Variants in SRRM3 observed in about 807,000 individuals in gnomAD.
The protein encoded by SRRM3 is serine/arginine repetitive matrix 3.
A neutral mutation model predicts 66.2 loss-of-function variants in SRRM3; 27 were observed. The observed-to-expected ratio is 0.41, with a 90% CI of 0.30 to 0.56. SRRM3 has a LOEUF of 0.56. SRRM3 is among the 20% of genes least tolerant of loss of function. SRRM3 has a pLI of 0.32. For missense variants in SRRM3, 918 were observed against 991.9 expected, an observed-to-expected ratio of 0.93 and a Z score of 1.00; for synonymous variants, 391 against 414.9, an observed-to-expected ratio of 0.94 and a Z score of 0.70.
At position 76,236,005 on chromosome 7, in the gene SRRM3, C is replaced by CAAAAAAAAAAAA. The variant is rs1161706465; in HGVS notation, c.233+720_233+731dup. Among the ~76,000 whole-genome samples the CAAAAAAAAAAAA allele has an allele frequency of 9.0e-3, 182 of 20,266 alleles. 20 individuals carry two copies. Among genetic ancestry groups the CAAAAAAAAAAAA allele is most frequent in the Admixed American group, 0.015 (21 of 1,374 alleles). 13.3% of individuals were successfully genotyped at this position (20,266 alleles called of 152,430 possible). ...TGGGCAACAGATCGAGATTCTGTCT[C>CAAAAAAAAAAAA]AAAAAAAAAAAAAAAAAAAAAAAAA... On this transcript the variant is annotated intron_variant, in intron 2 of 14. Transcript: ENST00000611745.
At chr7:76,267,053 G>T (rs1554609816) in intron 10 of SRRM3, among the ~76,000 whole-genome samples, 2 of 152,064 alleles carry the variant, frequency 1.3e-5, no homozygotes, top group Admixed American at 6.6e-5. Flanking sequence ...CTAAGCCTCC[G>T]CCTGAATTGG....
rs1802693756 is a variant in SRRM3 at position 76,286,923 on chromosome 7, G to A, written c.*1080G>A. 1 of 152,732 alleles carries A rather than the reference G, an allele frequency of 6.5e-6. No homozygotes were observed. Among genetic ancestry groups the A allele is most frequent in the Admixed American group, 6.5e-5 (1 of 15,284 alleles). The allele number at this position is 152,732 out of a possible 1,614,324, so 9.5% of individuals were successfully genotyped here. A position where few individuals can be genotyped will look rare whatever the true frequency, so the allele number is the denominator to read the frequency against. ...GGGTCACAGGCATAGGATAACATGT[G>A]CTTTGGACCTGACAAGGGAGTACCT... On this transcript the variant is annotated 3_prime_UTR_variant, in exon 15 of 15. Transcript: ENST00000611745.
At chr7:76,253,560 G>T (rs1554607227) in intron 3 of SRRM3, among the ~76,000 whole-genome samples, 2 of 151,870 alleles carry the variant, frequency 1.3e-5, no homozygotes, top group Non-Finnish European at 2.9e-5. Context: ...GGTGGAGCTT[G>T]CAGTGAACCG....
At chr7:76,222,683 G>T (rs375079331) in intron 1 of SRRM3, among the ~76,000 whole-genome samples, 3 of 151,846 alleles carry the variant, frequency 2.0e-5, no homozygotes, top group East Asian at 3.9e-4. Context: ...GTGCAGTGGC[G>T]TGATCTTGAC....
At chr7:76,272,651 CA>C (rs1324641098) in intron 11 of SRRM3, among the ~76,000 whole-genome samples, 7 of 150,378 alleles carry the variant, frequency 4.7e-5, no homozygotes, top group Middle Eastern at 3.4e-3. Flanking sequence ...GACTCCATCT[CA>C]AAAAAAAACC....
In SRRM3 at chr7:76,282,983, C is replaced by T; in HGVS notation, c.1615C>T (p.Arg539Cys). 1 of 1,416,770 alleles carries T rather than the reference C, an allele frequency of 7.1e-7. No homozygotes were observed. Among genetic ancestry groups the T allele is most frequent in the Non-Finnish European group, 9.2e-7 (1 of 1,090,024 alleles). 87.8% of individuals were successfully genotyped at this position (1,416,770 alleles called of 1,614,324 possible). Residue 539 changes from arginine (R) to cysteine (C), a missense_variant, in exon 14 of 15, where the codon CGC becomes TGC. By Grantham distance (180) the Arg-to-Cys change is radical (BLOSUM62 -3). Transcript: ENST00000611745. Reference sequence around the variant, plus strand: ...CCGCAGGGACAAGGACGGCGAGGGCCGCGCAAGGCACTCTGAGGCCGAGGC... The same window carrying T: ...CCGCAGGGACAAGGACGGCGAGGGCTGCGCAAGGCACTCTGAGGCCGAGGC... ...PLSRDKDGEG[R>C]ARHSEAEATR...
chr7:76,258,206 G>A (rs554005890), intron 3 of SRRM3, among the ~76,000 whole-genome samples: 81 of 152,272 alleles, frequency 5.3e-4, no homozygotes, highest in African/African-American at 1.8e-3. Context: ...GAGCAGGGGG[G>A]GCCCCTGGAG....
intron 14 of SRRM3, among the ~76,000 whole-genome samples, chr7:76,284,178 T>A (rs950560220): frequency 3.3e-5 from 5 of 151,492 alleles, no homozygotes; most frequent in African/African-American, 1.2e-4. Flanking sequence ...GCTTCTTTTT[T>A]TTTTTTTTTT....
At chr7:76,278,411 CG>C (rs568794635) in intron 11 of SRRM3, among the ~76,000 whole-genome samples, 75 of 152,184 alleles carry the variant, frequency 4.9e-4, no homozygotes, top group African/African-American at 1.7e-3. Context: ...CGCTTGAACC[CG>C]GGAAGCAGAG....
chr7:76,221,705 T>C (rs1554603227), intron 1 of SRRM3, among the ~76,000 whole-genome samples: 1 of 152,176 alleles, frequency 6.6e-6, no homozygotes, highest in African/African-American at 2.4e-5. Flanking sequence ...TACTGGTCTG[T>C]GTGGGTTTGT....
Position 76,255,212 on chromosome 7 carries a change from C to G in SRRM3, c.336-4694C>G, listed in dbSNP as rs1264693336. On this transcript the variant is annotated intron_variant, in intron 3 of 14. Coordinates refer to ENST00000611745, the MANE Select transcript of SRRM3 (RefSeq NM_001110199.3). Reference sequence around the variant, plus strand: ...TCACCCAGGCTGGAGTGCAGTGGTGCGATCTTGGCTCACTGCAACCTCCGC... The same window carrying G: ...TCACCCAGGCTGGAGTGCAGTGGTGGGATCTTGGCTCACTGCAACCTCCGC... 2.4e-5 allele frequency among the ~76,000 whole-genome samples: 3 copies of G among 126,144 alleles called. No homozygotes were observed. In the East Asian group the frequency reaches 7.3e-4, roughly 31 times the overall value. 82.8% of individuals were successfully genotyped at this position (126,144 alleles called of 152,430 possible).
At chr7:76,215,026 C>T (rs1563607713) in intron 1 of SRRM3, among the ~76,000 whole-genome samples, 1 of 135,884 alleles carries the variant, frequency 7.4e-6, no homozygotes, top group Non-Finnish European at 1.5e-5. Flanking sequence ...GCTAGGATGA[C>T]GTGCATATAT....
At chr7:76,263,964 T>G (rs1331557021) in intron 8 of SRRM3, among the ~76,000 whole-genome samples, 1 of 145,626 alleles carries the variant, frequency 6.9e-6, no homozygotes, top group African/African-American at 2.6e-5. Flanking sequence ...TGAGCTGGCC[T>G]AGGGCTGGGC....
At chr7:76,270,575 GCTGAGGTGGGCAGATCAC>G (rs1332196124) in intron 11 of SRRM3, among the ~76,000 whole-genome samples, 2 of 152,094 alleles carry the variant, frequency 1.3e-5, no homozygotes, top group Non-Finnish European at 2.9e-5. Flanking sequence ...ACTTCGGGAG[GCTGAGGTGGGCAGATCAC>G]CTGAGGTCAG....
chr7:76,267,515 G>C, intron 11 of SRRM3, 80 bp downstream of exon 11: 1 of 1,048,834 alleles, frequency 9.5e-7, no homozygotes, highest in East Asian at 4.3e-5. Flanking sequence ...CAGCGGGGCA[G>C]GGGGCGATAA....
intron 2 of SRRM3, among the ~76,000 whole-genome samples, chr7:76,247,250 A>T (rs1554606258): frequency 6.6e-6 from 1 of 151,948 alleles, no homozygotes; most frequent in African/African-American, 2.4e-5. Flanking sequence ...GGGAGTAGAG[A>T]CGTCAGGGGC....
chr7:76,231,651 G>A (rs533205558), intron 1 of SRRM3, among the ~76,000 whole-genome samples: 2 of 152,356 alleles, frequency 1.3e-5, no homozygotes, highest in East Asian at 3.9e-4. Flanking sequence ...ATGAAAGGAC[G>A]GTTCCCTCCC....
At chr7:76,283,128 G>T in intron 14 of SRRM3, 27 bp downstream of exon 14, 1 of 1,391,208 alleles carries the variant, frequency 7.2e-7, no homozygotes, top group South Asian at 1.8e-5. Flanking sequence ...GGGGGCCGGT[G>T]GCGCAGGGCT....
intron 10 of SRRM3, 26 bp downstream of exon 10, chr7:76,265,494 T>C: frequency 6.4e-7 from 1 of 1,573,014 alleles, no homozygotes; most frequent in Non-Finnish European, 8.7e-7. Flanking sequence ...TGGGAGGCTT[T>C]CTCCTGGTGG....
Sources: allele counts gnomAD v4.1 joint callset (sites outside exome capture counted in the v4.1 genomes callset), GRCh38; gene constraint gnomAD v4.1.1; transcripts MANE v1.5; gene names NCBI Gene and HGNC (gene_info 2026-07-23, HGNC 2026-07-21).